The following SACM1L variants were observed in gnomAD, a reference collection of about 807,000 sequenced individuals.
SACM1L encodes the protein SAC1 like phosphatidylinositide phosphatase.
A neutral mutation model predicts 89.5 loss-of-function variants in SACM1L; 32 were observed. That is an observed-to-expected ratio of 0.36 (90% CI 0.27 to 0.48). SACM1L has a LOEUF of 0.48. Ranked by LOEUF, SACM1L falls within the 20% of genes least tolerant of loss-of-function variation. The pLI is 0.99. For synonymous variants in SACM1L, 213 were observed against 232.8 expected (o/e 0.92, Z 0.77); for missense variants, 543 against 708.5 (o/e 0.77, Z 2.65).
At chr3:45,721,025 T>C (rs1559545434) in intron 8 of SACM1L, among the ~76,000 whole-genome samples, 2 of 152,210 alleles carry the variant, frequency 1.3e-5, no homozygotes, top group Non-Finnish European at 2.9e-5. Context: ...CGTAAACAAA[T>C]TTTTAAAGGA....
intron 7 of SACM1L, among the ~76,000 whole-genome samples, chr3:45,715,084 G>C (rs994515515): frequency 6.6e-6 from 1 of 152,170 alleles, no homozygotes; most frequent in Non-Finnish European, 1.5e-5. Flanking sequence ...GCTATACCGT[G>C]TAGCCTAGGT....
chr3:45,717,301 C>T (rs1698684421), intron 7 of SACM1L, among the ~76,000 whole-genome samples: 1 of 152,216 alleles, frequency 6.6e-6, no homozygotes, highest in Non-Finnish European at 1.5e-5. Flanking sequence ...AGAATGTTCA[C>T]AGTACCACGT....
At chr3:45,724,883 G>T (rs1698882215) in intron 11 of SACM1L, among the ~76,000 whole-genome samples, 1 of 152,082 alleles carries the variant, frequency 6.6e-6, no homozygotes, top group Non-Finnish European at 1.5e-5. Context: ...AGGTGTAAGG[G>T]TCCAACTTCA....
intron 11 of SACM1L, among the ~76,000 whole-genome samples, chr3:45,724,499 T>A (rs1486874158): frequency 6.6e-6 from 1 of 152,184 alleles, no homozygotes; most frequent in African/African-American, 2.4e-5. Flanking sequence ...AATCAGGTTG[T>A]TTTTTGTTTG....
chr3:45,699,942 CT>C (rs1698228171), intron 1 of SACM1L, among the ~76,000 whole-genome samples: 1 of 152,112 alleles, frequency 6.6e-6, no homozygotes, highest in Admixed American at 6.5e-5. Flanking sequence ...TGAAATGTAC[CT>C]ATTAAGTTGT....
intron 1 of SACM1L, among the ~76,000 whole-genome samples, chr3:45,692,091 C>T (rs1233821253): frequency 6.6e-6 from 1 of 152,204 alleles, no homozygotes; most frequent in Non-Finnish European, 1.5e-5. Flanking sequence ...GATCCTTCTA[C>T]CCAGAATGCC....
In SACM1L at chr3:45,722,928, G is replaced by A; in HGVS notation, c.825G>A (p.Leu275=). Residue 275 remains leucine, a synonymous_variant, in exon 10 of 20, where the codon CTG becomes CTA. Transcript: ENST00000389061. ...SQRPNLKYKP[L]PQISKVANHM... is the part of the protein sequence containing the mutation. ...GACCAAACCTCAAGTACAAACCACTGCCACAGATCAGCAAAGTAGCAAATC... is the reference window on the plus strand; with the variant it reads ...GACCAAACCTCAAGTACAAACCACTACCACAGATCAGCAAAGTAGCAAATC... 1 of 1,613,644 alleles carries A rather than the reference G, an allele frequency of 6.2e-7. No individual in the cohort carries two copies. The highest frequency in any genetic ancestry group is 1.1e-5 in the South Asian group (1 of 91,050).
chr3:45,692,170 TAGTC>T, intron 1 of SACM1L, among the ~76,000 whole-genome samples: 1 of 152,308 alleles, frequency 6.6e-6, no homozygotes, highest in Non-Finnish European at 1.5e-5. Context: ...CAGGTTTTGT[TAGTC>T]AGAATGGATA....
At chr3:45,736,889 A>G (rs1407490139) in intron 14 of SACM1L, among the ~76,000 whole-genome samples, 1 of 152,136 alleles carries the variant, frequency 6.6e-6, no homozygotes, top group Non-Finnish European at 1.5e-5. Flanking sequence ...AAGGTCACCA[A>G]GGTGGCTCCT....
At chr3:45,710,491 C>A (rs1210071540) in intron 5 of SACM1L, among the ~76,000 whole-genome samples, 1 of 136,726 alleles carries the variant, frequency 7.3e-6, no homozygotes, top group Non-Finnish European at 1.5e-5. Context: ...CTGTGCCTGC[C>A]CAGTCTGCCT....
At chr3:45,721,665 C>G (rs1362695182) in intron 8 of SACM1L, among the ~76,000 whole-genome samples, 1 of 151,814 alleles carries the variant, frequency 6.6e-6, no homozygotes, top group African/African-American at 2.4e-5. Flanking sequence ...TCTCAGGGGT[C>G]TTTGAGATTT....
intron 1 of SACM1L, among the ~76,000 whole-genome samples, chr3:45,695,401 C>T (rs1171924700): frequency 1.3e-5 from 2 of 152,088 alleles, no homozygotes; most frequent in African/African-American, 4.8e-5. Context: ...GCTGGGACTA[C>T]AGGCATGCAC....
intron 11 of SACM1L, among the ~76,000 whole-genome samples, chr3:45,728,724 G>A (rs1288569140): frequency 2.6e-5 from 4 of 152,166 alleles, no homozygotes; most frequent in South Asian, 2.1e-4. Context: ...CCAGGCTTGT[G>A]TGCAGTGGCA....
At chr3:45,739,545 T>C (rs544538942) in intron 18 of SACM1L, 42 bp from the exon 19 acceptor site, 58 of 1,591,632 alleles carry the variant, frequency 3.6e-5, no homozygotes, top group East Asian at 2.0e-4. Context: ...TGCCATTGAT[T>C]AGCATTCTTA....
rs1396291692 is a variant in SACM1L at position 45,744,716 on chromosome 3, AAAAC to A, written c.*1052_*1055del. ...CAACTTAAACGTTAATTTTTGTGCA[AAAAC>A]AAACCTGAAAAATATGCTTCGGAAA... On this transcript the variant is annotated 3_prime_UTR_variant, in exon 20 of 20. Coordinates refer to ENST00000389061, the MANE Select transcript of SACM1L (RefSeq NM_014016.5). 2 of 152,696 alleles carry A rather than the reference AAAAC, an allele frequency of 1.3e-5. No individual in the cohort carries two copies. Among genetic ancestry groups the A allele is most frequent in the African/African-American group, 4.8e-5 (2 of 41,470 alleles). The allele number at this position is 152,696 out of a possible 1,614,324, so 9.5% of individuals were successfully genotyped here.
chr3:45,735,483 CTT>C, intron 14 of SACM1L, 110 bp downstream of exon 14: 2 of 1,099,562 alleles, frequency 1.8e-6, no homozygotes, highest in Non-Finnish European at 2.5e-6. Flanking sequence ...TAACCCAGCT[CTT>C]TTTATTTTTG....
intron 7 of SACM1L, 124 bp downstream of exon 7, chr3:45,714,203 C>A: frequency 2.1e-6 from 1 of 465,902 alleles, no homozygotes; most frequent in Non-Finnish European, 3.6e-6. Flanking sequence ...ATATAAATTG[C>A]TGTTGATAAG....
chr3:45,741,207 A>G (rs1699306093), intron 19 of SACM1L, among the ~76,000 whole-genome samples: 1 of 151,114 alleles, frequency 6.6e-6, no homozygotes, highest in Non-Finnish European at 1.5e-5. Flanking sequence ...CACCATCCTC[A>G]GGGCACCATT....
chr3:45,703,802 T>C (rs1698327751), intron 2 of SACM1L, among the ~76,000 whole-genome samples: 1 of 152,202 alleles, frequency 6.6e-6, no homozygotes, highest in African/African-American at 2.4e-5. Context: ...ATTATTTTTT[T>C]CCCTTAGCTG....
Sources: allele counts gnomAD v4.1 joint callset (sites outside exome capture counted in the v4.1 genomes callset), GRCh38; gene constraint gnomAD v4.1.1; transcripts MANE v1.5; gene names NCBI Gene and HGNC (gene_info 2026-07-23, HGNC 2026-07-21).